The following EPHA6 variants were observed in gnomAD, a reference collection of about 807,000 sequenced individuals.
The protein encoded by EPHA6 is EPH receptor A6.
EPHA6 carries 50 observed loss-of-function variants against 112.0 expected under a neutral mutation model. The ratio of observed to expected loss-of-function variants is 0.45; its 90% CI spans 0.36 to 0.56. EPHA6 has a LOEUF of 0.56. Ranked by LOEUF, EPHA6 falls within the 20% of genes least tolerant of loss-of-function variation. The probability of loss-of-function intolerance (pLI) is 0.00; values close to 1 mark genes in which losing one functional copy is unlikely to be tolerated. For missense variants in EPHA6, 1,280 were observed against 1,417.4 expected, an observed-to-expected ratio of 0.90 and a Z score of 1.56; for synonymous variants, 529 against 490.7, an observed-to-expected ratio of 1.08 and a Z score of -1.03.
At chr3:97,171,606 T>A (rs2076703458) in intron 3 of EPHA6, among the ~76,000 whole-genome samples, 1 of 152,050 alleles carries the variant, frequency 6.6e-6, no homozygotes, top group African/African-American at 2.4e-5. Flanking sequence ...GCCCCAAAAT[T>A]CACCTGTAAG....
Position 97,448,652 on chromosome 3 carries a change from G to A in EPHA6, c.1816G>A (p.Val606Ile), listed in dbSNP as rs1268257840. The A allele has an allele frequency of 6.2e-7, 1 of 1,613,522 alleles. No homozygotes were observed. The highest frequency in any genetic ancestry group is 1.3e-5 in the African/African-American group (1 of 74,996). Reference protein sequence around the residue: ...ITGLKPATKYVFHIRVRTATG... With the variant: ...ITGLKPATKYIFHIRVRTATG... ...AGGTCTTAAGCCAGCCACCAAATATGTATTTCACATCCGAGTGAGAACTGC... is the reference window on the plus strand; with the variant it reads ...AGGTCTTAAGCCAGCCACCAAATATATATTTCACATCCGAGTGAGAACTGC... Residue 606 changes from valine (V) to isoleucine (I), a missense_variant, in exon 7 of 18, where the codon GTA becomes ATA. Val to Ile is a conservative substitution (Grantham distance 29). This residue lies in a region of EPHA6 where 878 missense variants were observed against 999.7 expected (regional missense o/e 0.88). Coordinates refer to ENST00000389672, the MANE Select transcript of EPHA6 (RefSeq NM_001080448.3).
chr3:97,361,114 C>A (rs1184058650), intron 5 of EPHA6, among the ~76,000 whole-genome samples: 2 of 152,160 alleles, frequency 1.3e-5, no homozygotes, highest in African/African-American at 4.8e-5. Flanking sequence ...GAGGCTCATT[C>A]TTTTTAGTGT....
At chr3:97,024,456 A>G (rs886968693) in intron 3 of EPHA6, among the ~76,000 whole-genome samples, 5 of 152,166 alleles carry the variant, frequency 3.3e-5, no homozygotes, top group African/African-American at 1.2e-4. Flanking sequence ...TTTTATATCT[A>G]ATTGATCTGA....
chr3:96,976,646 C>T (rs1269252614), intron 2 of EPHA6, among the ~76,000 whole-genome samples: 2 of 152,050 alleles, frequency 1.3e-5, no homozygotes, highest in African/African-American at 2.4e-5. Context: ...TCTTTAGACC[C>T]AGGAAGGGAA....
At chr3:97,536,935 T>G (rs1374098786) in intron 11 of EPHA6, among the ~76,000 whole-genome samples, 3 of 152,160 alleles carry the variant, frequency 2.0e-5, no homozygotes, top group African/African-American at 7.2e-5. Context: ...TATTTTGTGA[T>G]TCCATTTTGT....
chr3:97,412,400 C>G (rs1221506206), intron 6 of EPHA6, among the ~76,000 whole-genome samples: 1 of 152,012 alleles, frequency 6.6e-6, no homozygotes, highest in Non-Finnish European at 1.5e-5. Flanking sequence ...TTCCATATTC[C>G]TAGTCATACA....
At chr3:97,445,422 C>G (rs1577435407) in intron 6 of EPHA6, among the ~76,000 whole-genome samples, 1 of 152,222 alleles carries the variant, frequency 6.6e-6, no homozygotes, top group East Asian at 1.9e-4. Context: ...CAAAAATGTG[C>G]AAGTAATAGT....
chr3:97,737,556 G>A (rs1374159281), intron 16 of EPHA6, among the ~76,000 whole-genome samples: 1 of 152,030 alleles, frequency 6.6e-6, no homozygotes, highest in African/African-American at 2.4e-5. Context: ...TGTTTGTCAA[G>A]TTTCTTTCTT....
chr3:97,546,525 A>C (rs967402759), intron 11 of EPHA6, among the ~76,000 whole-genome samples: 11 of 152,192 alleles, frequency 7.2e-5, no homozygotes, highest in African/African-American at 2.6e-4. Context: ...ACTTTGGTAA[A>C]TCTGACAATT....
intron 4 of EPHA6, among the ~76,000 whole-genome samples, chr3:97,229,414 CCTGT>C (rs2078455965): frequency 6.6e-6 from 1 of 152,136 alleles, no homozygotes; most frequent in Non-Finnish European, 1.5e-5. Context: ...AGATGAGGAT[CCTGT>C]CTCATTCTTC....
chr3:97,411,627 G>C (rs2087722786), intron 6 of EPHA6, among the ~76,000 whole-genome samples: 1 of 152,046 alleles, frequency 6.6e-6, no homozygotes, highest in Non-Finnish European at 1.5e-5. Flanking sequence ...TTTTGAATAT[G>C]CTATAGGGGA....
intron 3 of EPHA6, among the ~76,000 whole-genome samples, chr3:97,144,540 AAT>A (rs2108360203): frequency 6.6e-6 from 1 of 151,236 alleles, no homozygotes; most frequent in South Asian, 2.1e-4. Flanking sequence ...TTGGTAGATT[AAT>A]ATATTTAGCT....
intron 3 of EPHA6, among the ~76,000 whole-genome samples, chr3:97,057,271 G>T (rs1395319345): frequency 6.6e-6 from 1 of 152,130 alleles, no homozygotes; most frequent in African/African-American, 2.4e-5. Context: ...GTTCCATCCT[G>T]CCAAATGGAG....
intron 1 of EPHA6, among the ~76,000 whole-genome samples, chr3:96,828,189 T>C (rs2033790567): frequency 2.6e-5 from 4 of 152,120 alleles, no homozygotes; most frequent in Admixed American, 2.0e-4. Flanking sequence ...TATCAGAGTT[T>C]AGTTAATTGG....
At chr3:96,909,633 A>G (rs532659155) in intron 2 of EPHA6, among the ~76,000 whole-genome samples, 12 of 152,126 alleles carry the variant, frequency 7.9e-5, no homozygotes, top group African/African-American at 2.4e-4. Context: ...CTTTCTGTGT[A>G]AATATATTTA....
intron 3 of EPHA6, among the ~76,000 whole-genome samples, chr3:97,164,398 C>A (rs576337584): frequency 1.2e-4 from 19 of 152,202 alleles, no homozygotes; most frequent in African/African-American, 4.6e-4. Context: ...ATAATAGTAT[C>A]TCTTACATAT....
At chr3:97,722,158 T>C (rs1038597829) in intron 15 of EPHA6, among the ~76,000 whole-genome samples, 1 of 152,156 alleles carries the variant, frequency 6.6e-6, no homozygotes, top group Non-Finnish European at 1.5e-5. Context: ...CCAGCAGACT[T>C]AAATCAGAGG....
intron 3 of EPHA6, among the ~76,000 whole-genome samples, chr3:97,173,761 A>G (rs763009093): frequency 2.0e-5 from 3 of 151,854 alleles, no homozygotes; most frequent in African/African-American, 7.2e-5. Flanking sequence ...AAGTGCAAAC[A>G]TGTAAGAGGT....
Position 97,070,851 on chromosome 3 carries a change from G to A in EPHA6, c.1114+82858G>A, listed in dbSNP as rs367980680. Among the ~76,000 whole-genome samples, 3 of 152,162 alleles carry A rather than the reference G, an allele frequency of 2.0e-5. No individual in the cohort carries two copies. The South Asian group carries it at 6.2e-4, about 32-fold the overall frequency. ...GTGCATTGTCAGTACCTCATATAGT[G>A]AATCTGATCTCAAAGTTTTCTATCA... is the stretch of plus-strand genomic sequence containing the variant. On this transcript the variant is annotated intron_variant, in intron 3 of 17. Coordinates refer to ENST00000389672, the MANE Select transcript of EPHA6 (RefSeq NM_001080448.3).
Sources: gnomAD v4.1 joint callset for allele counts (sites outside exome capture counted in the v4.1 genomes callset) on GRCh38, gnomAD v4.1.1 for gene constraint, gnomAD v4.1.1 regional missense constraint, MANE v1.5 for transcripts, NCBI Gene and HGNC (gene_info 2026-07-23, HGNC 2026-07-21) for gene names.